The following PRKX variants were observed in gnomAD, a reference collection of about 807,000 sequenced individuals.
PRKX encodes protein kinase cAMP-dependent X-linked catalytic subunit, also known as cAMP-dependent protein kinase catalytic subunit PRKX.
In PRKX, 12 loss-of-function variants were observed where a neutral mutation model predicts 22.0. The ratio of observed to expected loss-of-function variants is 0.54; its 90% CI spans 0.35 to 0.88. The LOEUF (loss-of-function observed/expected upper bound fraction) is 0.88. PRKX is among the 40% of genes least tolerant of loss of function. The pLI, the probability that PRKX is intolerant of heterozygous loss-of-function variation, is 0.01. For synonymous variants in PRKX, 134 were observed against 137.7 expected (o/e 0.97, Z 0.19); for missense variants, 217 against 308.0 (o/e 0.70, Z 2.21).
At chrX:3,706,695 C>T (rs1198448352) in intron 1 of PRKX, among the ~76,000 whole-genome samples, 1 of 112,224 alleles carries the variant, frequency 8.9e-6, no homozygotes, top group Admixed American at 9.5e-5. Context: ...TGCAGCGTGC[C>T]CATGAACTGT....
rs750126966 is a variant in PRKX at position 3,689,751 on chromosome X, G to A, written c.167-14985C>T. Among the ~76,000 whole-genome samples the A allele has an allele frequency of 8.9e-5, 10 of 111,962 alleles. No individual in the cohort carries two copies. In the South Asian group the frequency reaches 2.6e-3, roughly 29 times the overall value. ...CCAACACTTTGGGAGGCCAAGGCGGGCGGATCACAAGGTCAGGAGATCGAG... is the reference window on the plus strand; with the variant it reads ...CCAACACTTTGGGAGGCCAAGGCGGACGGATCACAAGGTCAGGAGATCGAG... On this transcript the variant is annotated intron_variant, in intron 1 of 8. Coordinates refer to ENST00000262848, the MANE Select transcript of PRKX (RefSeq NM_005044.5).
At chrX:3,700,903 C>G (rs925943123) in intron 1 of PRKX, among the ~76,000 whole-genome samples, 13 of 111,163 alleles carry the variant, frequency 1.2e-4, no homozygotes, top group African/African-American at 4.3e-4. Flanking sequence ...AAGCCCAGCC[C>G]GAAAATCAAT....
chrX:3,611,833 C>T (rs1041608858), intron 8 of PRKX, among the ~76,000 whole-genome samples: 3 of 111,238 alleles, frequency 2.7e-5, no homozygotes, highest in African/African-American at 9.8e-5. Context: ...TAAGGAAGCT[C>T]GCCTGTCACT....
intron 2 of PRKX, among the ~76,000 whole-genome samples, chrX:3,673,964 C>T (rs12860135): frequency 9.0e-6 from 1 of 111,374 alleles, no homozygotes; most frequent in African/African-American, 3.3e-5. Context: ...CCTCGCCAGA[C>T]ACTGAATCCA....
At chrX:3,635,061 T>C (rs757012434) in intron 4 of PRKX, among the ~76,000 whole-genome samples, 1 of 112,077 alleles carries the variant, frequency 8.9e-6, no homozygotes, top group South Asian at 3.7e-4. Context: ...AAAAATGCTA[T>C]TTATGTTCTC....
chrX:3,604,895 CAG>C lies in PRKX; in HGVS notation c.*4072_*4073del, dbSNP rs948278350. ...CACGATAATTTACAGAAAACCATGA[CAG>C]AGCATCCCTGCTATTAGGAAGGGAC... On this transcript the variant is annotated 3_prime_UTR_variant, in exon 9 of 9. Transcript: ENST00000262848. The C allele has an allele frequency of 5.4e-5, 6 of 110,703 alleles. No individual in the cohort carries two copies. Among genetic ancestry groups the C allele is most frequent in the African/African-American group, 2.0e-4 (6 of 30,350 alleles). The allele number at this position is 110,703 out of a possible 1,213,427, so 9.1% of individuals were successfully genotyped here.
chrX:3,620,924 C>T (rs754365272), intron 6 of PRKX, among the ~76,000 whole-genome samples: 6 of 110,882 alleles, frequency 5.4e-5, no homozygotes, highest in South Asian at 3.9e-4. Flanking sequence ...ATTCACTCTC[C>T]GTAAAACTGT....
At chrX:3,709,575 C>T (rs889032096) in intron 1 of PRKX, among the ~76,000 whole-genome samples, 1 of 111,063 alleles carries the variant, frequency 9.0e-6, no homozygotes, top group African/African-American at 3.3e-5. Context: ...TTGGGGTACC[C>T]ATGACAAGCA....
Position 3,622,659 on chromosome X carries a change from G to A in PRKX, c.816-1343C>T, listed in dbSNP as rs137891427. Among the ~76,000 whole-genome samples, 213 of 111,763 alleles carry A rather than the reference G, an allele frequency of 1.9e-3. 1 individual carries two copies. Among genetic ancestry groups the A allele is most frequent in the African/African-American group, 6.5e-3 (200 of 30,811 alleles). ...GCTTGTCAGACTTCACCGCTTCTCTGCCACAAAGTAAAACTCAGAGACCAT... is the reference window on the plus strand; with the variant it reads ...GCTTGTCAGACTTCACCGCTTCTCTACCACAAAGTAAAACTCAGAGACCAT... On this transcript the variant is annotated intron_variant, in intron 5 of 8. Transcript: ENST00000262848.
chrX:3,648,545 A>T (rs1287668805), intron 3 of PRKX, among the ~76,000 whole-genome samples: 1 of 108,532 alleles, frequency 9.2e-6, no homozygotes, highest in Admixed American at 1.0e-4. Flanking sequence ...CAAAGCTTTG[A>T]TAACAATCGA....
At chrX:3,657,999 T>C (rs1927515339) in intron 2 of PRKX, among the ~76,000 whole-genome samples, 1 of 111,569 alleles carries the variant, frequency 9.0e-6, no homozygotes, top group African/African-American at 3.3e-5. Context: ...GATTTTTGTT[T>C]GTTTGTTTTT....
At chrX:3,710,015 C>T (rs755035147) in intron 1 of PRKX, among the ~76,000 whole-genome samples, 1 of 107,802 alleles carries the variant, frequency 9.3e-6, no homozygotes, top group Non-Finnish European at 1.9e-5. Context: ...CTGGAACTCC[C>T]GGCCTCAAGT....
chrX:3,700,954 A>C (rs1928556309), intron 1 of PRKX, among the ~76,000 whole-genome samples: 1 of 112,165 alleles, frequency 8.9e-6, no homozygotes, highest in South Asian at 3.7e-4. Context: ...AGAAAATACT[A>C]AACTGTTTAA....
chrX:3,658,129 T>TA (rs1435293229), intron 2 of PRKX, among the ~76,000 whole-genome samples: 6 of 110,246 alleles, frequency 5.4e-5, no homozygotes, highest in Non-Finnish European at 9.5e-5. Context: ...TAGTTGGGAT[T>TA]ATAGGCGCCC....
chrX:3,630,642 T>C (rs2146565711), intron 4 of PRKX, among the ~76,000 whole-genome samples: 1 of 111,910 alleles, frequency 8.9e-6, no homozygotes, highest in Admixed American at 9.5e-5. Flanking sequence ...CTTACAATCA[T>C]GGTGGAAGGC....
chrX:3,713,498 C>G lies in PRKX; in HGVS notation c.-245G>C. ...GCAGCCGCCGGCCTCGGGGGGCGGG[C>G]ACCGAGTGCGGGACGACTGCGGGGA... is the stretch of plus-strand genomic sequence containing the variant. On this transcript the variant is annotated 5_prime_UTR_variant, in exon 1 of 9. Coordinates refer to ENST00000262848, the MANE Select transcript of PRKX (RefSeq NM_005044.5). The G allele has an allele frequency of 1.2e-5, 3 of 245,516 alleles. No homozygotes were observed. The highest frequency in any genetic ancestry group is 2.2e-5 in the Non-Finnish European group (3 of 137,697). 20.2% of individuals were successfully genotyped at this position (245,516 alleles called of 1,213,427 possible). A position where few individuals can be genotyped will look rare whatever the true frequency, so the allele number is the denominator to read the frequency against.
At chrX:3,681,063 C>A (rs9887521) in intron 1 of PRKX, among the ~76,000 whole-genome samples, 1,293 of 109,279 alleles carry the variant, frequency 0.012, 18 homozygotes, top group African/African-American at 0.04. Flanking sequence ...CAGAATGAAA[C>A]CCTGTCTCCA....
intron 1 of PRKX, among the ~76,000 whole-genome samples, chrX:3,693,144 A>AG (rs751946814): frequency 1.7e-4 from 19 of 110,632 alleles, no homozygotes; most frequent in Non-Finnish European, 2.1e-4. Context: ...GGCTGGAAGG[A>AG]GGGCAGGAAG....
intron 1 of PRKX, among the ~76,000 whole-genome samples, chrX:3,696,053 G>A (rs1390183728): frequency 9.0e-6 from 1 of 111,324 alleles, no homozygotes; most frequent in African/African-American, 3.3e-5. Flanking sequence ...AGGTGATGAT[G>A]TTAGCAGGTG....
Sources: gnomAD v4.1 joint callset for allele counts (sites outside exome capture counted in the v4.1 genomes callset) on GRCh38, gnomAD v4.1.1 for gene constraint, MANE v1.5 for transcripts, NCBI Gene and HGNC (gene_info 2026-07-23, HGNC 2026-07-21) for gene names.